SCAPER: variants seen among roughly 807,000 people sequenced by gnomAD.
SCAPER encodes S phase cyclin A-associated protein in the endoplasmic reticulum.
SCAPER carries 98 observed loss-of-function variants against 182.2 expected under a neutral mutation model. The observed-to-expected ratio is 0.54, with a 90% CI of 0.46 to 0.64. The LOEUF (loss-of-function observed/expected upper bound fraction) is 0.64. SCAPER is among the 30% of genes least tolerant of loss of function. The probability of loss-of-function intolerance (pLI) is 0.00; values close to 1 mark genes in which losing one functional copy is unlikely to be tolerated. For missense variants in SCAPER, 1,432 were observed against 1,690.0 expected, an observed-to-expected ratio of 0.85 and a Z score of 2.68; for synonymous variants, 605 against 564.6, an observed-to-expected ratio of 1.07 and a Z score of -1.01.
intron 4 of SCAPER, among the ~76,000 whole-genome samples, chr15:76,856,891 T>G (rs2071428700): frequency 6.6e-6 from 1 of 151,484 alleles, no homozygotes; most frequent in Non-Finnish European, 1.5e-5. Context: ...ATTAATAAAA[T>G]AAAATAACAA....
chr15:76,770,894 T>C (rs939889266), intron 10 of SCAPER, among the ~76,000 whole-genome samples: 1 of 152,070 alleles, frequency 6.6e-6, no homozygotes, highest in Admixed American at 6.5e-5. Context: ...ATCTAAACAT[T>C]TGTTTTTTGT....
chr15:76,789,254 T>C (rs2064836846), intron 8 of SCAPER, among the ~76,000 whole-genome samples: 1 of 151,996 alleles, frequency 6.6e-6, no homozygotes, highest in Non-Finnish European at 1.5e-5. Context: ...ACAAAAATCG[T>C]AAGATGAATC....
intron 8 of SCAPER, among the ~76,000 whole-genome samples, chr15:76,780,134 C>T (rs1427891604): frequency 1.3e-5 from 2 of 152,234 alleles, no homozygotes; most frequent in African/African-American, 2.4e-5. Context: ...CAAGGCAAGC[C>T]GTGACAGACT....
At chr15:76,782,934 G>T (rs2064269071) in intron 8 of SCAPER, among the ~76,000 whole-genome samples, 1 of 152,162 alleles carries the variant, frequency 6.6e-6, no homozygotes, top group Non-Finnish European at 1.5e-5. Flanking sequence ...AAGCAGGAAA[G>T]ATCTAAAATT....
At chr15:76,543,138 T>A (rs1340649801) in intron 23 of SCAPER, among the ~76,000 whole-genome samples, 1 of 152,182 alleles carries the variant, frequency 6.6e-6, no homozygotes, top group African/African-American at 2.4e-5. Flanking sequence ...CATGTAGACA[T>A]TTTGAAAAAA....
chr15:76,652,401 T>TATATATATATAC (rs2055221757), intron 21 of SCAPER, among the ~76,000 whole-genome samples: 1 of 58,264 alleles, frequency 1.7e-5, no homozygotes, highest in Non-Finnish European at 3.2e-5. Context: ...TATATATATA[T>TATATATATATAC]AGCACTTTGG....
At chr15:76,529,912 C>T (rs1567362597) in intron 23 of SCAPER, among the ~76,000 whole-genome samples, 2 of 152,152 alleles carry the variant, frequency 1.3e-5, no homozygotes, top group Non-Finnish European at 2.9e-5. Flanking sequence ...GTGATGTGAT[C>T]TGACTTATGG....
chr15:76,723,063 T>C (rs939789608), intron 17 of SCAPER, among the ~76,000 whole-genome samples: 1 of 152,174 alleles, frequency 6.6e-6, no homozygotes, highest in African/African-American at 2.4e-5. Context: ...CTTGTGGGTA[T>C]TTAGGGCTAT....
intron 17 of SCAPER, among the ~76,000 whole-genome samples, chr15:76,721,471 T>C (rs1332539778): frequency 7.2e-5 from 11 of 151,944 alleles, no homozygotes; most frequent in East Asian, 1.9e-4. Flanking sequence ...AGAAAGTCAT[T>C]GGCAGCTTGA....
chr15:76,721,286 A>T (rs1456474762), intron 17 of SCAPER, among the ~76,000 whole-genome samples: 4 of 151,516 alleles, frequency 2.6e-5, no homozygotes, highest in Non-Finnish European at 2.9e-5. Context: ...TTGGTCTATA[A>T]CTCTGTTTTG....
intron 25 of SCAPER, among the ~76,000 whole-genome samples, chr15:76,453,150 C>G (rs188082618): frequency 1.2e-3 from 183 of 152,304 alleles, no homozygotes; most frequent in African/African-American, 4.1e-3. Context: ...ACCTTTTTCC[C>G]TGAACCTTGT....
chr15:76,478,994 A>G (rs2050880851), intron 24 of SCAPER, among the ~76,000 whole-genome samples: 1 of 152,122 alleles, frequency 6.6e-6, no homozygotes. Context: ...GTGCGTTATC[A>G]TGAGGCATGA....
chr15:76,546,455 G>A (rs1015783279), intron 23 of SCAPER, among the ~76,000 whole-genome samples: 4 of 152,034 alleles, frequency 2.6e-5, no homozygotes, highest in African/African-American at 7.2e-5. Flanking sequence ...CTCCCAAAGT[G>A]CTGTGATTAC....
chr15:76,705,292 G>A (rs906810224), intron 18 of SCAPER, among the ~76,000 whole-genome samples: 14 of 150,274 alleles, frequency 9.3e-5, no homozygotes, highest in Non-Finnish European at 3.0e-5. Context: ...GTAAACTATT[G>A]CAAGGACAAA....
At chr15:76,590,593 T>A (rs1029294917) in intron 22 of SCAPER, among the ~76,000 whole-genome samples, 1 of 152,186 alleles carries the variant, frequency 6.6e-6, no homozygotes, top group African/African-American at 2.4e-5. Context: ...TTGGTGGGAA[T>A]GTAAATTAGC....
chr15:76,675,563 C>T (rs900541905), intron 20 of SCAPER, among the ~76,000 whole-genome samples: 1 of 152,176 alleles, frequency 6.6e-6, no homozygotes, highest in Non-Finnish European at 1.5e-5. Context: ...GCTGAACCTT[C>T]TAAGTAACAA....
At chr15:76,639,723 C>T (rs1371932030) in intron 21 of SCAPER, among the ~76,000 whole-genome samples, 2 of 151,720 alleles carry the variant, frequency 1.3e-5, no homozygotes, top group Non-Finnish European at 2.9e-5. Context: ...CTATTCCCCC[C>T]AACCCCACAT....
intron 29 of SCAPER, among the ~76,000 whole-genome samples, chr15:76,364,613 A>G (rs986272805): frequency 1.3e-5 from 2 of 152,164 alleles, no homozygotes; most frequent in Non-Finnish European, 2.9e-5. Flanking sequence ...TACCAGTAGC[A>G]GAGGAATGCA....
At chr15:76,440,491 T>C (rs1247781214) in intron 25 of SCAPER, among the ~76,000 whole-genome samples, 4 of 152,220 alleles carry the variant, frequency 2.6e-5, no homozygotes, top group Admixed American at 2.6e-4. Flanking sequence ...TCTGTACAAC[T>C]ATTTTTTAGT....
Sources: allele counts gnomAD v4.1 joint callset (sites outside exome capture counted in the v4.1 genomes callset), GRCh38; gene constraint gnomAD v4.1.1; transcripts MANE v1.5; gene names NCBI Gene and HGNC (gene_info 2026-07-23, HGNC 2026-07-21).